The following SH3D21 variants were observed in gnomAD, a reference collection of about 807,000 sequenced individuals.
The protein encoded by SH3D21 is SH3 domain-containing protein 21.
SH3D21 carries 83 observed loss-of-function variants against 82.1 expected under a neutral mutation model. That is an observed-to-expected ratio of 1.01 (90% CI 0.85 to 1.21). The LOEUF is 1.21. SH3D21 is among the 50% of genes most tolerant of loss of function. The pLI, the probability that SH3D21 is intolerant of heterozygous loss-of-function variation, is 0.00. For missense variants in SH3D21, 980 were observed against 962.1 expected (o/e 1.02, Z -0.25); for synonymous variants, 383 against 387.8 (o/e 0.99, Z 0.15).
At chr1:36,310,734 C>G (rs1646222508) in intron 10 of SH3D21, among the ~76,000 whole-genome samples, 1 of 152,152 alleles carries the variant, frequency 6.6e-6, no homozygotes, top group Non-Finnish European at 1.5e-5. Context: ...TTCCCTCACC[C>G]CAAAGGTAAC....
intron 9 of SH3D21, 24 bp downstream of exon 9, chr1:36,308,499 A>G: frequency 1.9e-6 from 3 of 1,546,054 alleles, no homozygotes; most frequent in Non-Finnish European, 2.6e-6. Context: ...CAAGACACTC[A>G]GGTGGCAGGG....
intron 10 of SH3D21, among the ~76,000 whole-genome samples, chr1:36,314,959 C>G (rs1290955929): frequency 6.6e-6 from 1 of 152,084 alleles, no homozygotes; most frequent in African/African-American, 2.4e-5. Flanking sequence ...AGCTGAGGGG[C>G]CTGGGATGAA....
downstream of SH3D21, among the ~76,000 whole-genome samples, chr1:36,326,795 GGA>G (rs2124712028): frequency 6.6e-6 from 1 of 152,300 alleles, no homozygotes; most frequent in South Asian, 2.1e-4. Context: ...TGAATGTGAG[GGA>G]GAGAGGAGTT....
Position 36,307,874 on chromosome 1 carries a change from G to T in SH3D21, c.493-44G>T, listed in dbSNP as rs1412541383. ...AGAGGTGGTGAGTTCCTCTTGGGGT[G>T]GTTGGAGGCTCATCTAGTTCCTCCC... On this transcript the variant is annotated intron_variant, in intron 6 of 15. Transcript: ENST00000453908. This position sits in a 1 kb window ranked among gnomAD's most constrained non-coding sequence, Gnocchi z 5.4. 1 of 1,551,592 alleles carries T rather than the reference G, an allele frequency of 6.4e-7. No individual in the cohort carries two copies. The highest frequency in any genetic ancestry group is 1.4e-5 in the African/African-American group (1 of 73,038).
chr1:36,318,898 A>AAATAATAAT (rs58567392), intron 10 of SH3D21, among the ~76,000 whole-genome samples, 173 bp from the exon 11 acceptor site: 2,780 of 140,382 alleles, frequency 0.02, 50 homozygotes, highest in African/African-American at 0.044. Flanking sequence ...ACTCCATCTC[A>AAATAATAAT]AATAATAATA....
intron 10 of SH3D21, 81 bp downstream of exon 10, chr1:36,309,671 C>G: frequency 1.4e-6 from 2 of 1,477,036 alleles, no homozygotes; most frequent in Non-Finnish European, 1.8e-6. Flanking sequence ...ACCCACAGCA[C>G]CCCAGTGGTC....
chr1:36,318,257 A>G (rs553363967), intron 10 of SH3D21, among the ~76,000 whole-genome samples: 1 of 152,284 alleles, frequency 6.6e-6, no homozygotes, highest in African/African-American at 2.4e-5. Flanking sequence ...TTCAAGGGGC[A>G]TGGGTTTGGG....
At position 36,320,706 on chromosome 1, in the gene SH3D21, G is replaced by C. The variant is rs750421186; in HGVS notation, c.2043G>C (p.Thr681=). Reference sequence around the variant, plus strand: ...CCTCGCTGGTCCCGCAAAACTACACGGAAAACAAGAATGAAGGAGTTGATG... The same window carrying C: ...CCTCGCTGGTCCCGCAAAACTACACCGAAAACAAGAATGAAGGAGTTGATG... ...ALPSLVPQNY[T]ENKNEGVDVT... is the part of the protein sequence containing the mutation. Residue 681 remains threonine, a synonymous_variant, in exon 14 of 16, where the codon ACG becomes ACC. Transcript: ENST00000453908. 1.2e-6 allele frequency: 2 copies of C among 1,614,028 alleles called. No homozygotes were observed. The highest frequency in any genetic ancestry group is 3.3e-5 in the Admixed American group (2 of 59,940).
Position 36,321,159 on chromosome 1 carries a change from C to T in SH3D21, c.*32C>T. The T allele has an allele frequency of 1.2e-6, 2 of 1,601,764 alleles. No homozygotes were observed. Among genetic ancestry groups the T allele is most frequent in the Non-Finnish European group, 1.7e-6 (2 of 1,174,692 alleles). ...GCCTGGGAAGGGACCGCGGCCTGAC[C>T]TGGCTGGGGCCACCCACGTCCTTGC... On this transcript the variant is annotated 3_prime_UTR_variant, in exon 16 of 16. Transcript: ENST00000453908. The surrounding 1 kb of genome is among the most constrained non-coding windows in gnomAD (Gnocchi z 6.1).
At position 36,319,870 on chromosome 1, in the gene SH3D21, A is replaced by G. The variant is rs1438557207; in HGVS notation, c.1207A>G (p.Thr403Ala). 6.2e-7 allele frequency: 1 copy of G among 1,613,916 alleles called. No homozygotes were observed. Among genetic ancestry groups the G allele is most frequent in the East Asian group, 2.2e-5 (1 of 44,874 alleles). Residue 403 changes from threonine to alanine, a missense_variant, in exon 14 of 16, where the codon ACC (threonine) becomes GCC (alanine). Transcript: ENST00000453908. ...CAAGGCCTCTATCCCAGGGAACTCC[A>G]CCTCGGGGAAGATCCCAGCTCCTGA... ...GDKASIPGNS[T>A]SGKIPAPDKV... is the part of the protein sequence containing the mutation.
chr1:36,328,031 T>A, downstream of SH3D21: 1 of 498,848 alleles, frequency 2.0e-6, no homozygotes, highest in Non-Finnish European at 3.8e-6. Context: ...CCTCGCTGCC[T>A]ATCTGCCCAG....
chr1:36,321,430 T>G, downstream of SH3D21: 1 of 1,210,542 alleles, frequency 8.3e-7, no homozygotes, highest in Non-Finnish European at 1.1e-6. The surrounding 1 kb of genome is among the most constrained non-coding windows in gnomAD (Gnocchi z 6.1). Context: ...AGCCGCGCAC[T>G]GGAGAAATGG....
At chr1:36,312,771 C>T (rs1039201859) in intron 10 of SH3D21, among the ~76,000 whole-genome samples, 4 of 152,008 alleles carry the variant, frequency 2.6e-5, no homozygotes, top group Non-Finnish European at 5.9e-5. Flanking sequence ...AGTGCAGTGG[C>T]GCGATCTCAG....
intron 8 of SH3D21, 68 bp downstream of exon 8, chr1:36,308,277 A>AC (rs905889528): frequency 6.8e-7 from 1 of 1,462,292 alleles, no homozygotes. Context: ...CTGCACATGT[A>AC]CCCCCTGAAT....
In SH3D21 at chr1:36,308,099, C is replaced by A; in HGVS notation, c.539-10C>A. 6.5e-7 allele frequency: 1 copy of A among 1,546,030 alleles called. No individual in the cohort carries two copies. The highest frequency in any genetic ancestry group is 8.7e-7 in the Non-Finnish European group (1 of 1,143,564). On this transcript the variant is annotated splice_polypyrimidine_tract_variant and intron_variant, in intron 7 of 15. Coordinates refer to ENST00000453908, the MANE Select transcript of SH3D21 (RefSeq NM_001162530.2). ...TGGCTTCAGAGGACAGTGGACTGAC[C>A]TCTTCCCAGTCTCCCACCCTGAGGT...
rs779321615 is a variant in SH3D21 at position 36,309,626 on chromosome 1, C to G, written c.769+36C>G. On this transcript the variant is annotated intron_variant, in intron 10 of 15. Coordinates refer to ENST00000453908, the MANE Select transcript of SH3D21 (RefSeq NM_001162530.2). ...GGGGAGCCTGGGATTGGGGGGTGTT[C>G]TCTGGGAGACCCACCAGTCCAGTTG... is the stretch of plus-strand genomic sequence containing the variant. 3.2e-6 allele frequency: 5 copies of G among 1,550,640 alleles called. No homozygotes were observed. In the East Asian group the frequency reaches 1.2e-4, roughly 38 times the overall value.
At chr1:36,308,299 G>A (rs1030147708) in intron 8 of SH3D21, 90 bp downstream of exon 8, 8 of 1,484,984 alleles carry the variant, frequency 5.4e-6, no homozygotes, top group Admixed American at 2.0e-5. Context: ...TAAAATAAAC[G>A]TTGAAATTAT....
At chr1:36,312,261 G>C (rs1418951489) in intron 10 of SH3D21, among the ~76,000 whole-genome samples, 1 of 151,170 alleles carries the variant, frequency 6.6e-6, no homozygotes, top group Non-Finnish European at 1.5e-5. Context: ...CTGACCTCAT[G>C]ATCCGTCCGC....
chr1:36,313,967 A>ATTT (rs1207014644), intron 10 of SH3D21, among the ~76,000 whole-genome samples: 1 of 36,878 alleles, frequency 2.7e-5, no homozygotes, highest in African/African-American at 7.1e-5. Context: ...TGCTGAACAT[A>ATTT]TTTTCTTTTT....
Sources: allele counts gnomAD v4.1 joint callset (sites outside exome capture counted in the v4.1 genomes callset), GRCh38; gene constraint gnomAD v4.1.1; non-coding constraint Gnocchi (gnomAD v3.1); transcripts MANE v1.5; gene names NCBI Gene and HGNC (gene_info 2026-07-23, HGNC 2026-07-21).